NBPF8: variants seen among roughly 807,000 people sequenced by gnomAD.
NBPF8 encodes NBPF member 8.
At chr1:120,467,735 T>TATCA (rs1293082809) in exon 25 of NBPF8, 5 of 152,154 alleles carry the variant, frequency 3.3e-5, no homozygotes, top group Non-Finnish European at 5.9e-5. Flanking sequence ...ACCTTTTGCC[T>TATCA]ATCACTCTGG....
chr1:120,460,692 CAG>C, intron 18 of NBPF8, 68 bp downstream of exon 16: 1 of 861,496 alleles, frequency 1.2e-6, no homozygotes, highest in Non-Finnish European at 2.0e-6. Context: ...CCAGGGAAAA[CAG>C]TACATGCTGA....
intron 3 of NBPF8, among the ~76,000 whole-genome samples, chr1:120,429,542 G>A (rs1454555718): frequency 6.6e-5 from 10 of 152,192 alleles, no homozygotes; most frequent in Admixed American, 2.0e-4. Context: ...GAGACATGGC[G>A]GGAGGGATTT....
rs1417302231 is a variant in NBPF8, at chr1:120,436,698, G to C, written n.345+1G>C. On this transcript the variant is annotated splice_donor_variant and non_coding_transcript_variant, in intron 1 of 24. Coordinates refer to ENST00000583271, the Ensembl canonical transcript of NBPF8. ...CTGGCCAACCGACAGAAGAAATACA[G>C]TAAGATCTATAGGCTCACCGTCATG... The C allele has an allele frequency of 1.6e-6, 2 of 1,273,132 alleles. No homozygotes were observed. Among genetic ancestry groups the C allele is most frequent in the African/African-American group, 3.0e-5 (2 of 67,632 alleles). The allele number at this position is 1,273,132 out of a possible 1,614,324, so 78.9% of individuals were successfully genotyped here.
chr1:120,418,632 C>A (rs1419365336), upstream of NBPF8, among the ~76,000 whole-genome samples: 1 of 135,438 alleles, frequency 7.4e-6, no homozygotes, highest in East Asian at 2.2e-4. Flanking sequence ...GTCTCTGCAG[C>A]CTTGACCTCT....
downstream of NBPF8, among the ~76,000 whole-genome samples, chr1:120,467,983 C>T (rs1375685721): frequency 6.6e-6 from 1 of 150,558 alleles, no homozygotes; most frequent in Non-Finnish European, 1.5e-5. Flanking sequence ...TCTGTGTGTG[C>T]CTTTGGCATT....
chr1:120,449,377 C>T (rs782302542), exon 11 of NBPF8: 21 of 1,454,046 alleles, frequency 1.4e-5, no homozygotes, highest in Middle Eastern at 2.1e-4. Context: ...TGGCCGGCTT[C>T]CTGGCCAACC....
At chr1:120,466,272 G>A in exon 25 of NBPF8, 1 of 1,598,280 alleles carries the variant, frequency 6.3e-7, no homozygotes, top group South Asian at 1.1e-5. Context: ...GGACCTATAG[G>A]CGCCTGAAGA....
intron 7 of NBPF8, chr1:120,445,778 G>A (rs1480647605): frequency 0.018 from 5,426 of 301,912 alleles, 116 homozygotes; most frequent in East Asian, 0.09. Flanking sequence ...ATATTTGAAC[G>A]GATCACTCAA....
upstream of NBPF8, among the ~76,000 whole-genome samples, chr1:120,416,112 G>T (rs1468958823): frequency 1.3e-5 from 2 of 152,070 alleles, no homozygotes; most frequent in Non-Finnish European, 2.9e-5. Context: ...GGAAAGATCT[G>T]CTGGTAGTGT....
chr1:120,432,146 T>C (rs1426054469), upstream of NBPF8: 1 of 144,842 alleles, frequency 6.9e-6, no homozygotes, highest in African/African-American at 2.6e-5. Flanking sequence ...TTATCTTGTC[T>C]CCTGCTAAAT....
intron 11 of NBPF8, among the ~76,000 whole-genome samples, chr1:120,450,789 T>C (rs1381368704): frequency 6.6e-6 from 1 of 152,164 alleles, no homozygotes; most frequent in Non-Finnish European, 1.5e-5. Flanking sequence ...AGTCCCATAG[T>C]CCTAGGGGCC....
At chr1:120,424,029 C>A (rs1271385764) in intron 1 of NBPF8, among the ~76,000 whole-genome samples, 1 of 152,034 alleles carries the variant, frequency 6.6e-6, no homozygotes, top group Non-Finnish European at 1.5e-5. Flanking sequence ...AATTGTGCAG[C>A]CATCAGCAGA....
chr1:120,464,609 T>C, intron 23 of NBPF8, 61 bp downstream of exon 21: 1 of 794,380 alleles, frequency 1.3e-6, no homozygotes, highest in South Asian at 1.3e-5. Flanking sequence ...AAGATCATGT[T>C]CCTGCTCCAA....
intron 1 of NBPF8, among the ~76,000 whole-genome samples, chr1:120,420,901 C>A (rs1265560263): frequency 0.031 from 4,536 of 146,672 alleles, 266 homozygotes; most frequent in African/African-American, 0.11. Flanking sequence ...AAGAAAGGGG[C>A]ATGGCCTGTT....
intron 24 of NBPF8, 113 bp from the exon 23 acceptor site, chr1:120,465,865 G>C: frequency 1.9e-6 from 3 of 1,608,904 alleles, no homozygotes. Context: ...CTCATTAATG[G>C]ATCTGTCCTT....
At position 120,460,570 on chromosome 1, in the gene NBPF8, C is replaced by T. The variant is rs11487253; in HGVS notation, n.2785-3C>T. 23 of 1,434,046 alleles carry T rather than the reference C, an allele frequency of 1.6e-5. No individual in the cohort carries two copies. The African/African-American group carries it at 3.0e-4, about 18-fold the overall frequency. 88.8% of individuals were successfully genotyped at this position (1,434,046 alleles called of 1,614,324 possible). On this transcript the variant is annotated splice_polypyrimidine_tract_variant and splice_region_variant and intron_variant and non_coding_transcript_variant, in intron 17 of 24. Coordinates refer to ENST00000583271, the Ensembl canonical transcript of NBPF8. ...AAGAGGGCCCATATGAATTTATTTG[C>T]AGGACATCGGTGGGATCAAGTGAAA... is the stretch of plus-strand genomic sequence containing the variant.
exon 21 of NBPF8, chr1:120,462,868 C>T (rs1661631488): frequency 4.9e-6 from 2 of 409,636 alleles, no homozygotes; most frequent in African/African-American, 5.7e-5. Context: ...TATTCGACTC[C>T]TTCAGGTTAT....
chr1:120,422,502 C>A (rs1229653426), intron 1 of NBPF8, among the ~76,000 whole-genome samples: 1 of 110,478 alleles, frequency 9.1e-6, no homozygotes, highest in South Asian at 2.3e-4. Context: ...GGTTTCCAGA[C>A]TGGCTTCTTT....
At chr1:120,454,378 C>T (rs1553249430) in intron 15 of NBPF8, among the ~76,000 whole-genome samples, 1 of 151,946 alleles carries the variant, frequency 6.6e-6, no homozygotes, top group Non-Finnish European at 1.5e-5. Flanking sequence ...ATCTGTCAGG[C>T]CTCCTAGCTT....
Sources: gnomAD v4.1 joint callset for allele counts (sites outside exome capture counted in the v4.1 genomes callset) on GRCh38, gnomAD v4.1.1 for gene constraint, MANE v1.5 for transcripts, NCBI Gene and HGNC (gene_info 2026-07-23, HGNC 2026-07-21) for gene names.